IQGAP1: variants seen among roughly 807,000 people sequenced by gnomAD.
The protein encoded by IQGAP1 is IQ motif containing GTPase activating protein 1.
A neutral mutation model predicts 215.6 loss-of-function variants in IQGAP1; 66 were observed. That is an observed-to-expected ratio of 0.31 (90% confidence interval 0.25 to 0.38). The LOEUF (loss-of-function observed/expected upper bound fraction) is 0.38. Ranked by LOEUF, IQGAP1 falls within the 10% of genes least tolerant of loss-of-function variation. The pLI is 1.00. For synonymous variants in IQGAP1, 772 were observed against 728.7 expected (o/e 1.06, Z -0.96); for missense variants, 1,712 against 1,997.1 (o/e 0.86, Z 2.72).
chr15:90,430,990 A>G (rs996024181), intron 4 of IQGAP1, among the ~76,000 whole-genome samples: 7 of 148,146 alleles, frequency 4.7e-5, no homozygotes, highest in Non-Finnish European at 7.4e-5. Context: ...TTACAATATT[A>G]TATAATATAC....
At chr15:90,444,277 GTGTA>G (rs1321024038) in intron 9 of IQGAP1, among the ~76,000 whole-genome samples, 12 of 111,140 alleles carry the variant, frequency 1.1e-4, no homozygotes, top group South Asian at 9.1e-4. Context: ...GTGTGTGTGT[GTGTA>G]TATATATATT....
rs564127865 is a variant in IQGAP1, at chr15:90,453,271, T to G, written c.1466T>G (p.Ile489Ser). 2 of 1,612,760 alleles carry G rather than the reference T, an allele frequency of 1.2e-6. No homozygotes were observed. The highest frequency in any genetic ancestry group is 3.3e-5 in the Admixed American group (2 of 59,708). The change falls in exon 13 of 38, where the codon ATT becomes AGT. Residue 489 changes from isoleucine to serine, a missense_variant. By Grantham distance (142) the Ile-to-Ser change is moderately radical. Around this residue, in one of 2 missense-constraint regions of IQGAP1, gnomAD observed 1,021 missense variants for 1,074.2 expected, o/e 0.95. Coordinates refer to ENST00000268182, the MANE Select transcript of IQGAP1 (RefSeq NM_003870.4). ...LSSSVTGLTNIEEENCQRYLD... is the reference protein window; with the variant it reads ...LSSSVTGLTNSEEENCQRYLD... ...AGTTCAGTTACTGGTCTTACCAATA[T>G]TGAGGAAGAAAACTGTCAGAGGTGG...
rs140207524 is a variant in IQGAP1, at chr15:90,482,716, A to G, written c.3555+435A>G. 1.1e-4 allele frequency: 107 copies of G among 1,000,300 alleles called. 3 individuals carry two copies. In the East Asian group the frequency reaches 9.0e-3, roughly 85 times the overall value. 62.0% of individuals were successfully genotyped at this position (1,000,300 alleles called of 1,614,324 possible). On this transcript the variant is annotated intron_variant, in intron 28 of 37. Coordinates refer to ENST00000268182, the MANE Select transcript of IQGAP1 (RefSeq NM_003870.4). ...CTCTCTCCTAGTTCTGTGCTTTCCTACAGTGAGGCCTCGATTCTAGACTTT... is the reference window on the plus strand; with the variant it reads ...CTCTCTCCTAGTTCTGTGCTTTCCTGCAGTGAGGCCTCGATTCTAGACTTT...
At chr15:90,445,627 C>T (rs912332643) in intron 9 of IQGAP1, among the ~76,000 whole-genome samples, 1 of 151,990 alleles carries the variant, frequency 6.6e-6, no homozygotes, top group African/African-American at 2.4e-5. Context: ...TTAGACTCAC[C>T]AAAAAAACTA....
intron 15 of IQGAP1, among the ~76,000 whole-genome samples, chr15:90,464,330 A>G (rs899298852): frequency 2.0e-5 from 3 of 152,176 alleles, no homozygotes; most frequent in African/African-American, 7.2e-5. Context: ...CCTTACAGGC[A>G]TCTTAATAAA....
chr15:90,496,792 A>C (rs1342635463), intron 36 of IQGAP1: 1 of 153,670 alleles, frequency 6.5e-6, no homozygotes, highest in African/African-American at 2.4e-5. Flanking sequence ...GGTGCTTTTT[A>C]TACGGACCCC....
chr15:90,465,584 A>G (rs549810962), intron 15 of IQGAP1, among the ~76,000 whole-genome samples: 2 of 152,270 alleles, frequency 1.3e-5, no homozygotes, highest in East Asian at 3.9e-4. Context: ...GGCTCACTGC[A>G]GCCTAACCTC....
chr15:90,448,530 T>C (rs1246412045), intron 9 of IQGAP1, 43 bp from the exon 10 acceptor site: 12 of 1,512,386 alleles, frequency 7.9e-6, no homozygotes, highest in Non-Finnish European at 1.1e-5. Context: ...TAGGCTCTTC[T>C]GTTAACATAG....
intron 22 of IQGAP1, 158 bp from the exon 23 acceptor site, chr15:90,474,327 T>C: frequency 1.3e-6 from 1 of 756,276 alleles, no homozygotes; most frequent in Non-Finnish European, 2.2e-6. Context: ...TATCATAACA[T>C]AGCAATAGCC....
At chr15:90,412,503 A>G (rs146679731) in intron 2 of IQGAP1, among the ~76,000 whole-genome samples, 204 of 152,276 alleles carry the variant, frequency 1.3e-3, no homozygotes, top group African/African-American at 4.5e-3. Context: ...ATTCTCCCTT[A>G]TCAGCACATA....
intron 11 of IQGAP1, among the ~76,000 whole-genome samples, chr15:90,451,672 A>G (rs1239269713): frequency 6.6e-6 from 1 of 151,820 alleles, no homozygotes; most frequent in Non-Finnish European, 1.5e-5. Context: ...TCAGATTTCA[A>G]TGTGAGATTT....
chr15:90,494,653 A>G (rs1424455154), intron 35 of IQGAP1, 60 bp from the exon 36 acceptor site: 4 of 1,452,368 alleles, frequency 2.8e-6, no homozygotes, highest in East Asian at 2.4e-5. Flanking sequence ...TCAGTTACCA[A>G]TGATGAAGAT....
At position 90,454,468 on chromosome 15, in the gene IQGAP1, G is replaced by A. The variant is rs1965651294; in HGVS notation, c.1528G>A (p.Ala510Thr). 11 of 1,612,860 alleles carry A rather than the reference G, an allele frequency of 6.8e-6. No individual in the cohort carries two copies. The highest frequency in any genetic ancestry group is 9.3e-6 in the Non-Finnish European group (11 of 1,179,618). The change falls in exon 14 of 38, where the codon GCA (alanine) becomes ACA (threonine). Residue 510 changes from alanine to threonine, a missense_variant. Physicochemically the swap from Ala to Thr is moderately conservative, Grantham distance 58. Transcript: ENST00000268182. The stretch of plus-strand genomic sequence containing the variant: ...GATGAAACTGAAGGCTCAGGCACAT[G>A]CAGAGAATAATGAATTCATTACATG... ...ELMKLKAQAH[A>T]ENNEFITWND...
chr15:90,474,991 T>G (rs1965957853), intron 23 of IQGAP1: 3 of 221,852 alleles, frequency 1.4e-5, no homozygotes, highest in East Asian at 1.0e-4. Context: ...TTTTGATTTT[T>G]GGCTTTTTTT....
intron 2 of IQGAP1, among the ~76,000 whole-genome samples, chr15:90,415,871 A>G (rs1405567667): frequency 6.6e-6 from 1 of 152,050 alleles, no homozygotes; most frequent in Admixed American, 6.6e-5. Context: ...AAAACCTCCC[A>G]TGGCTCCCAT....
Position 90,439,411 on chromosome 15 carries a change from G to A in IQGAP1, c.535+12G>A. 6.2e-7 allele frequency: 1 copy of A among 1,605,958 alleles called. No individual in the cohort carries two copies. Among genetic ancestry groups the A allele is most frequent in the Non-Finnish European group, 8.5e-7 (1 of 1,173,406 alleles). On this transcript the variant is annotated intron_variant, in intron 6 of 37. Transcript: ENST00000268182. Reference sequence around the variant, plus strand: ...GGTTGACTTCACAGGTAAGGAGTTAGATACTTGGCAGGAAATGCTTGAATT... The same window carrying A: ...GGTTGACTTCACAGGTAAGGAGTTAAATACTTGGCAGGAAATGCTTGAATT...
In IQGAP1 at chr15:90,388,424, GC is replaced by G. The variant is rs769313886; in HGVS notation, c.55+29del. On this transcript the variant is annotated intron_variant, in intron 1 of 37. Transcript: ENST00000268182. ...GAGTGCGGGGCTCCGCGGCGCGGGG[GC>G]TTCGGGCTGGGCTAATTGCAGACGA... 26 of 1,557,798 alleles carry G rather than the reference GC, an allele frequency of 1.7e-5. 1 individual carries two copies. In the Admixed American group the frequency reaches 2.8e-4, roughly 17 times the overall value.
chr15:90,480,637 G>A (rs906012646), intron 26 of IQGAP1, among the ~76,000 whole-genome samples: 3 of 152,222 alleles, frequency 2.0e-5, no homozygotes, highest in Admixed American at 2.0e-4. Flanking sequence ...TATGACAAAT[G>A]AAGAGGGGTA....
In IQGAP1 at chr15:90,499,983, T is replaced by C. The variant is rs1435975269; in HGVS notation, c.4861-12T>C. The C allele has an allele frequency of 3.5e-6, 4 of 1,134,862 alleles. No homozygotes were observed. The highest frequency in any genetic ancestry group is 5.2e-6 in the Non-Finnish European group (4 of 765,906). 70.3% of individuals were successfully genotyped at this position (1,134,862 alleles called of 1,614,324 possible). ...AAATGTTTTGTTTTGTTTTGTTTTG[T>C]TTTGTTAATAGGACCTGCTGCAGCT... On this transcript the variant is annotated splice_polypyrimidine_tract_variant and intron_variant, in intron 37 of 37. Coordinates refer to ENST00000268182, the MANE Select transcript of IQGAP1 (RefSeq NM_003870.4).
Sources: allele counts gnomAD v4.1 joint callset (sites outside exome capture counted in the v4.1 genomes callset), GRCh38; gene constraint gnomAD v4.1.1; regional missense constraint gnomAD v4.1.1; transcripts MANE v1.5; gene names NCBI Gene and HGNC (gene_info 2026-07-23, HGNC 2026-07-21).